The following MMD2 variants were observed in gnomAD, a reference collection of about 807,000 sequenced individuals.
MMD2 encodes monocyte to macrophage differentiation factor 2.
MMD2 carries 30 observed loss-of-function variants against 33.5 expected under a neutral mutation model. The observed-to-expected ratio is 0.90, with a 90% CI of 0.67 to 1.22. The LOEUF (loss-of-function observed/expected upper bound fraction) is 1.22. Ranked by LOEUF, MMD2 falls within the 50% of genes most tolerant of loss-of-function variation. The probability of loss-of-function intolerance (pLI) is 0.00; values close to 1 mark genes in which losing one functional copy is unlikely to be tolerated. For missense variants in MMD2, 364 were observed against 325.4 expected (o/e 1.12, Z -0.91); for synonymous variants, 129 against 123.0 (o/e 1.05, Z -0.32).
rs1435179126 is a variant in MMD2, at chr7:4,906,273, C to T, written c.*1123G>A. ...GACAGAGAGGCTGGCCCCGCCCTGA[C>T]GGGGGCTGAAGAACAGGCCCCCAGC... On this transcript the variant is annotated 3_prime_UTR_variant, in exon 7 of 7. Transcript: ENST00000401401. 4.9e-5 allele frequency: 19 copies of T among 386,654 alleles called. No homozygotes were observed. Among genetic ancestry groups the T allele is most frequent in the Non-Finnish European group, 7.8e-5 (17 of 218,878 alleles). The allele number at this position is 386,654 out of a possible 1,614,324, so 24.0% of individuals were successfully genotyped here. A position where few individuals can be genotyped will look rare whatever the true frequency, so the allele number is the denominator to read the frequency against.
chr7:4,933,628 G>A lies in MMD2; in HGVS notation c.48-8096C>T, dbSNP rs1785655136. Among the ~76,000 whole-genome samples the A allele has an allele frequency of 4.6e-5, 7 of 150,970 alleles. No individual in the cohort carries two copies. The South Asian group carries it at 1.2e-3, about 27-fold the overall frequency. On this transcript the variant is annotated intron_variant, in intron 1 of 6. Transcript: ENST00000401401. ...GAGTTTGTTCATTCATTCTCCAGTT[G>A]AGGGATAATAAATGCATTTTTTTTT...
At chr7:4,949,631 C>A (rs896659028) in intron 1 of MMD2, among the ~76,000 whole-genome samples, 3 of 151,896 alleles carry the variant, frequency 2.0e-5, no homozygotes, top group Admixed American at 6.6e-5. Context: ...CCTGCCTCAG[C>A]CTCCCGAGTA....
intron 4 of MMD2, 48 bp downstream of exon 4, chr7:4,915,957 G>A (rs754141419): frequency 1.3e-6 from 2 of 1,573,914 alleles, no homozygotes; most frequent in Non-Finnish European, 1.7e-6. Flanking sequence ...TTCAAACAAT[G>A]AAAAGAAAGG....
chr7:4,947,692 C>CTTTTT (rs71033002), intron 1 of MMD2, among the ~76,000 whole-genome samples: 2 of 35,840 alleles, frequency 5.6e-5, no homozygotes, highest in African/African-American at 1.1e-4. Flanking sequence ...TGCACCTGGC[C>CTTTTT]TTTTTTTTTT....
At chr7:4,953,191 A>T (rs562426910) in intron 1 of MMD2, among the ~76,000 whole-genome samples, 1 of 151,786 alleles carries the variant, frequency 6.6e-6, no homozygotes, top group Non-Finnish European at 1.5e-5. Flanking sequence ...TCCTATCTGA[A>T]GTGTTATCAC....
At chr7:4,957,985 A>C (rs1477881282) in intron 1 of MMD2, among the ~76,000 whole-genome samples, 5 of 152,172 alleles carry the variant, frequency 3.3e-5, no homozygotes, top group Admixed American at 6.6e-5. Flanking sequence ...GACAAGCCAC[A>C]CTGATGTGAG....
intron 1 of MMD2, among the ~76,000 whole-genome samples, chr7:4,953,318 C>T (rs967559956): frequency 6.6e-5 from 10 of 151,422 alleles, no homozygotes; most frequent in Non-Finnish European, 1.5e-4. Flanking sequence ...CAGCTGGAAA[C>T]ACCATCAATA....
chr7:4,898,892 C>G, the MMD2 span, among the ~76,000 whole-genome samples: 3 of 151,658 alleles, frequency 2.0e-5, no homozygotes, highest in African/African-American at 7.3e-5. Flanking sequence ...CAGTGAGACT[C>G]TGTCTCAGAA....
intron 2 of MMD2, among the ~76,000 whole-genome samples, chr7:4,924,020 G>A (rs79194417): frequency 2.2e-4 from 33 of 152,040 alleles, no homozygotes; most frequent in Non-Finnish European, 4.0e-4. Context: ...GTGAAACCCC[G>A]TCTCTACTAA....
intron 4 of MMD2, among the ~76,000 whole-genome samples, chr7:4,913,905 C>T (rs1785076952): frequency 6.6e-6 from 1 of 152,020 alleles, no homozygotes; most frequent in Non-Finnish European, 1.5e-5. Context: ...TCATGATCTG[C>T]CCACCACAGC....
intron 2 of MMD2, among the ~76,000 whole-genome samples, chr7:4,923,989 G>A (rs1013315431): frequency 3.3e-5 from 5 of 152,042 alleles, no homozygotes; most frequent in South Asian, 2.1e-4. Flanking sequence ...TCAGGAGATC[G>A]AGACCATTCT....
intron 1 of MMD2, among the ~76,000 whole-genome samples, chr7:4,930,041 G>T (rs892395043): frequency 1.3e-5 from 2 of 151,114 alleles, no homozygotes. Flanking sequence ...AGGCCGAGGC[G>T]GGCATATTAC....
At chr7:4,934,545 T>C (rs939207950) in intron 1 of MMD2, among the ~76,000 whole-genome samples, 1 of 152,184 alleles carries the variant, frequency 6.6e-6, no homozygotes, top group Admixed American at 6.6e-5. Context: ...CTGGTTAAAC[T>C]AAAGGAGGGA....
chr7:4,916,949 G>A (rs185389256), intron 3 of MMD2, among the ~76,000 whole-genome samples: 116 of 152,194 alleles, frequency 7.6e-4, no homozygotes, highest in African/African-American at 2.6e-3. Flanking sequence ...GTGTGTGCCT[G>A]TAGGCCTAGC....
the MMD2 span, among the ~76,000 whole-genome samples, chr7:4,895,147 G>A: frequency 8.0e-5 from 12 of 149,506 alleles, no homozygotes; most frequent in Admixed American, 4.0e-4. Context: ...GCCCAATCTC[G>A]GCTCACTGCA....
chr7:4,895,196 C>A, the MMD2 span, among the ~76,000 whole-genome samples: 1 of 151,880 alleles, frequency 6.6e-6, no homozygotes, highest in Non-Finnish European at 1.5e-5. Context: ...CTTGCCTCAG[C>A]CTCTTGAATA....
intron 1 of MMD2, among the ~76,000 whole-genome samples, chr7:4,952,668 C>T (rs1049544757): frequency 6.7e-6 from 1 of 149,308 alleles, no homozygotes; most frequent in Non-Finnish European, 1.5e-5. Context: ...GTGGGGATCT[C>T]GGTTGCGTGC....
rs1785098387 is a variant in MMD2 at position 4,914,726 on chromosome 7, T to TA, written c.365+1278_365+1279insT. ...CAGGCAGATCACCTGAGGTCAGGAGTTTCAGACCACCCTGGCCAACATGGT... is the reference window on the plus strand; with the variant it reads ...CAGGCAGATCACCTGAGGTCAGGAGTATTCAGACCACCCTGGCCAACATGGT... On this transcript the variant is annotated intron_variant, in intron 4 of 6. Coordinates refer to ENST00000401401, the MANE Select transcript of MMD2 (RefSeq NM_198403.4). 3.3e-5 allele frequency among the ~76,000 whole-genome samples: 5 copies of TA among 151,960 alleles called. No individual in the cohort carries two copies. The South Asian group carries it at 1.0e-3, about 32-fold the overall frequency.
At position 4,917,110 on chromosome 7, in the gene MMD2, C is replaced by T. The variant is rs1171333196; in HGVS notation, c.291-1031G>A. ...AAAAACTACTAAATTACGTGCCCCT[C>T]AAGACTGTCTGGGAGCTGACATTCT... On this transcript the variant is annotated intron_variant, in intron 3 of 6. Coordinates refer to ENST00000401401, the MANE Select transcript of MMD2 (RefSeq NM_198403.4). Among the ~76,000 whole-genome samples the T allele has an allele frequency of 1.3e-5, 2 of 152,068 alleles. 1 individual carries two copies. Among genetic ancestry groups the T allele is most frequent in the African/African-American group, 4.8e-5 (2 of 41,410 alleles).
Sources: allele counts gnomAD v4.1 joint callset (sites outside exome capture counted in the v4.1 genomes callset), GRCh38; gene constraint gnomAD v4.1.1; transcripts MANE v1.5; gene names NCBI Gene and HGNC (gene_info 2026-07-23, HGNC 2026-07-21).